ANXA13: variants seen among roughly 807,000 people sequenced by gnomAD.
ANXA13 encodes the protein annexin XIII.
In ANXA13, 36 loss-of-function variants were observed where a neutral mutation model predicts 46.6. The ratio of observed to expected loss-of-function variants is 0.77; its 90% CI spans 0.59 to 1.02. The LOEUF (loss-of-function observed/expected upper bound fraction) is 1.02, where lower values mean the gene tolerates loss of function less well. ANXA13 is among the 50% of genes least tolerant of loss of function. The pLI is 0.00. For synonymous variants in ANXA13, 163 were observed against 152.9 expected (o/e 1.07, Z -0.49); for missense variants, 417 against 396.5 (o/e 1.05, Z -0.44).
chr8:123,718,555 G>T (rs1813801234), intron 1 of ANXA13, among the ~76,000 whole-genome samples: 1 of 152,196 alleles, frequency 6.6e-6, no homozygotes, highest in South Asian at 2.1e-4. Flanking sequence ...GTCCAAAATG[G>T]AAGCAAGTGC....
intron 1 of ANXA13, among the ~76,000 whole-genome samples, chr8:123,720,535 A>G (rs1813843707): frequency 6.6e-6 from 1 of 152,010 alleles, no homozygotes; most frequent in African/African-American, 2.4e-5. Context: ...TAATTGCTGT[A>G]AAATATATTG....
chr8:123,722,234 G>T (rs548647764), intron 1 of ANXA13, among the ~76,000 whole-genome samples: 8 of 151,924 alleles, frequency 5.3e-5, no homozygotes, highest in Admixed American at 3.3e-4. Flanking sequence ...AATCACTTGA[G>T]GCCAGGAAGT....
chr8:123,697,579 A>C (rs1270627535), intron 4 of ANXA13, among the ~76,000 whole-genome samples: 1 of 152,206 alleles, frequency 6.6e-6, no homozygotes, highest in Non-Finnish European at 1.5e-5. Context: ...TTTTTGTGTC[A>C]GGGCACTGTT....
At chr8:123,708,034 G>T (rs958807971) in intron 2 of ANXA13, among the ~76,000 whole-genome samples, 1 of 151,994 alleles carries the variant, frequency 6.6e-6, no homozygotes, top group Admixed American at 6.6e-5. Flanking sequence ...TGATCCGGGG[G>T]GTGTTTCTAC....
At chr8:123,681,440 T>C in intron 10 of ANXA13, 81 bp from the exon 11 acceptor site, 1 of 1,407,360 alleles carries the variant, frequency 7.1e-7, no homozygotes, top group South Asian at 1.4e-5. Context: ...ACACATGTTA[T>C]ACTCATTTGC....
At chr8:123,703,605 G>C (rs1214174036) in intron 2 of ANXA13, among the ~76,000 whole-genome samples, 1 of 152,148 alleles carries the variant, frequency 6.6e-6, no homozygotes, top group East Asian at 1.9e-4. Flanking sequence ...TTAGGATATA[G>C]GCTGAAACTG....
chr8:123,684,830 A>T (rs770485789), intron 9 of ANXA13, 108 bp from the exon 10 acceptor site: 31 of 759,934 alleles, frequency 4.1e-5, no homozygotes, highest in Non-Finnish European at 6.9e-5. Context: ...CTGGATGGTG[A>T]GACAGAGGTG....
intron 1 of ANXA13, among the ~76,000 whole-genome samples, chr8:123,716,960 C>CA (rs1234020195): frequency 6.6e-6 from 1 of 152,156 alleles, no homozygotes; most frequent in Non-Finnish European, 1.5e-5. Context: ...TAGGAGACCA[C>CA]ACGGATATTC....
intron 10 of ANXA13, among the ~76,000 whole-genome samples, chr8:123,684,396 C>CA (rs754361009): frequency 1.3e-5 from 2 of 151,778 alleles, no homozygotes; most frequent in African/African-American, 2.4e-5. Flanking sequence ...CCACAGAGGA[C>CA]AAAAAAAGAA....
chr8:123,683,423 A>AC (rs1813077889), intron 10 of ANXA13, among the ~76,000 whole-genome samples: 1 of 89,534 alleles, frequency 1.1e-5, no homozygotes, highest in Non-Finnish European at 2.1e-5. Context: ...TCATTTAACC[A>AC]CTTTTTTTTT....
At chr8:123,693,419 G>A in intron 7 of ANXA13, 121 bp from the exon 8 acceptor site, 2 of 852,436 alleles carry the variant, frequency 2.3e-6, no homozygotes, top group Admixed American at 2.5e-5. Flanking sequence ...AAGTCAAATG[G>A]ACTAAGCACT....
At chr8:123,724,580 G>T (rs1270492035) in intron 1 of ANXA13, among the ~76,000 whole-genome samples, 1 of 152,166 alleles carries the variant, frequency 6.6e-6, no homozygotes, top group Non-Finnish European at 1.5e-5. Flanking sequence ...AGAAATCCTT[G>T]ACCTTATCCA....
intron 3 of ANXA13, among the ~76,000 whole-genome samples, chr8:123,699,242 C>T (rs1415758975): frequency 1.3e-5 from 2 of 152,148 alleles, no homozygotes; most frequent in East Asian, 1.9e-4. Context: ...TGCAGTGGTG[C>T]AATCATGGCT....
chr8:123,713,810 C>T (rs1041920310), intron 1 of ANXA13, among the ~76,000 whole-genome samples: 1 of 152,176 alleles, frequency 6.6e-6, no homozygotes, highest in African/African-American at 2.4e-5. Flanking sequence ...TTTCATGCCT[C>T]AGCCTCCCCA....
chr8:123,726,523 C>G (rs1254710975), intron 1 of ANXA13, among the ~76,000 whole-genome samples: 1 of 152,188 alleles, frequency 6.6e-6, no homozygotes, highest in South Asian at 2.1e-4. Flanking sequence ...TACACCCAAA[C>G]AGAGGAGAGG....
chr8:123,702,759 A>T, intron 2 of ANXA13, 23 bp from the exon 3 acceptor site: 1 of 1,593,656 alleles, frequency 6.3e-7, no homozygotes, highest in Non-Finnish European at 8.6e-7. Context: ...AGAAACAAAC[A>T]AAGCCACAGT....
chr8:123,722,508 A>G (rs1813903043), intron 1 of ANXA13, among the ~76,000 whole-genome samples: 1 of 152,206 alleles, frequency 6.6e-6, no homozygotes, highest in South Asian at 2.1e-4. Context: ...TGTAGGATCA[A>G]TAAATATTCT....
At chr8:123,700,160 T>C (rs1365246167) in intron 3 of ANXA13, among the ~76,000 whole-genome samples, 1 of 152,258 alleles carries the variant, frequency 6.6e-6, no homozygotes, top group African/African-American at 2.4e-5. Flanking sequence ...CAGCCAACAC[T>C]GCATCTTGTG....
intron 10 of ANXA13, among the ~76,000 whole-genome samples, chr8:123,683,662 C>G (rs918702753): frequency 6.7e-6 from 1 of 148,698 alleles, no homozygotes; most frequent in African/African-American, 2.5e-5. Context: ...TCTTGGCTCA[C>G]TGCAACCTCC....
Sources: allele counts gnomAD v4.1 joint callset (sites outside exome capture counted in the v4.1 genomes callset), GRCh38; gene constraint gnomAD v4.1.1; transcripts MANE v1.5; gene names NCBI Gene and HGNC (gene_info 2026-07-23, HGNC 2026-07-21).